Variants in GSG1L observed in about 807,000 individuals in gnomAD.
The protein encoded by GSG1L is germ cell-specific gene 1-like protein.
In GSG1L, 24 loss-of-function variants were observed where a neutral mutation model predicts 42.1. The observed-to-expected ratio is 0.57, with a 90% CI of 0.41 to 0.80. The LOEUF is 0.80. GSG1L is among the 30% of genes least tolerant of loss of function. The pLI is 0.00. For missense variants in GSG1L, 445 were observed against 472.2 expected, an observed-to-expected ratio of 0.94 and a Z score of 0.53; for synonymous variants, 215 against 203.5, an observed-to-expected ratio of 1.06 and a Z score of -0.48.
rs1013994688 is a variant in GSG1L, at chr16:27,879,862, C to CT, written c.550+4623dup. Reference sequence around the variant, plus strand: ...TTGTTGTATTGTTATTTTTTAATTGCTTTTTTTTTTTCCCAAATGGTTTCG... The same window carrying CT: ...TTGTTGTATTGTTATTTTTTAATTGCTTTTTTTTTTTTCCCAAATGGTTTCG... On this transcript the variant is annotated intron_variant, in intron 3 of 6. Transcript: ENST00000447459. Among the ~76,000 whole-genome samples the CT allele has an allele frequency of 2.9e-4, 41 of 141,480 alleles. 1 individual carries two copies. Among genetic ancestry groups the CT allele is most frequent in the East Asian group, 6.1e-4 (3 of 4,926 alleles). The allele number at this position is 141,480 out of a possible 152,430, so 92.8% of individuals were successfully genotyped here.
chr16:27,908,776 G>C (rs911412865), intron 2 of GSG1L, among the ~76,000 whole-genome samples: 4 of 152,156 alleles, frequency 2.6e-5, no homozygotes, highest in Non-Finnish European at 4.4e-5. Context: ...TTGGGATTAA[G>C]TTTCCAACAC....
At chr16:28,023,933 G>A (rs1241292261) in intron 1 of GSG1L, among the ~76,000 whole-genome samples, 1 of 152,198 alleles carries the variant, frequency 6.6e-6, no homozygotes, top group Non-Finnish European at 1.5e-5. Flanking sequence ...AGGAGGCTGA[G>A]GTAGGAGGAT....
At position 27,791,383 on chromosome 16, in the gene GSG1L, C is replaced by A; in HGVS notation, c.983G>T (p.Gly328Val). Residue 328 changes from glycine to valine, a missense_variant, in exon 7 of 7, where the codon GGG (glycine) becomes GTG (valine). By Grantham distance (109) the Gly-to-Val change is moderately radical (BLOSUM62 -3). Transcript: ENST00000447459. ...PELNRQCWVL[G>V]HWV Reference sequence around the variant, plus strand: ...TTGAGGTCTTGGTCACACCCAGTGCCCCAAGACCCAGCACTGTCGGTTCAG... The same window carrying A: ...TTGAGGTCTTGGTCACACCCAGTGCACCAAGACCCAGCACTGTCGGTTCAG... 1 of 1,475,438 alleles carries A rather than the reference C, an allele frequency of 6.8e-7. No individual in the cohort carries two copies. Among genetic ancestry groups the A allele is most frequent in the Admixed American group, 2.2e-5 (1 of 44,798 alleles). 91.4% of individuals were successfully genotyped at this position (1,475,438 alleles called of 1,614,324 possible). A position where few individuals can be genotyped will look rare whatever the true frequency, so the allele number is the denominator to read the frequency against.
At chr16:27,995,427 G>A (rs959175365) in intron 1 of GSG1L, among the ~76,000 whole-genome samples, 4 of 152,144 alleles carry the variant, frequency 2.6e-5, no homozygotes, top group African/African-American at 9.7e-5. Flanking sequence ...AACAACTGGA[G>A]ATATTGTAGT....
At position 27,831,904 on chromosome 16, in the gene GSG1L, A is replaced by G. The variant is rs556545460; in HGVS notation, c.663-2948T>C. The stretch of plus-strand genomic sequence containing the variant: ...GCTCATTCCCAAACCTACCTCCCCC[A>G]TTGCCTTCCCTCCCTGTGGAATCCC... On this transcript the variant is annotated intron_variant, in intron 4 of 6. Coordinates refer to ENST00000447459, the MANE Select transcript of GSG1L (RefSeq NM_001109763.2). Among the ~76,000 whole-genome samples, 7 of 151,964 alleles carry G rather than the reference A, an allele frequency of 4.6e-5. No homozygotes were observed. In the East Asian group the frequency reaches 1.2e-3, roughly 25 times the overall value.
At position 28,059,633 on chromosome 16, in the gene GSG1L, C is replaced by T. The variant is rs1251082852; in HGVS notation, c.349+3443G>A. Among the ~76,000 whole-genome samples, 1 of 152,130 alleles carries T rather than the reference C, an allele frequency of 6.6e-6. No individual in the cohort carries two copies. The highest frequency in any genetic ancestry group is 2.4e-5 in the African/African-American group (1 of 41,410). ...TAACCCAGACCTTCATTCTCCCCTC[C>T]TCCAGGCCTCTCCTCAGCCACCCCC... On this transcript the variant is annotated intron_variant, in intron 1 of 6. Transcript: ENST00000447459. This position sits in a 1 kb window ranked among gnomAD's most constrained non-coding sequence, Gnocchi z 4.4.
chr16:27,788,224 G>T lies in GSG1L; in HGVS notation c.*3146C>A, dbSNP rs1406108470. 1 of 151,986 alleles carries T rather than the reference G, an allele frequency of 6.6e-6. No individual in the cohort carries two copies. Among genetic ancestry groups the T allele is most frequent in the African/African-American group, 2.4e-5 (1 of 41,312 alleles). 9.4% of individuals were successfully genotyped at this position (151,986 alleles called of 1,614,324 possible). A position where few individuals can be genotyped will look rare whatever the true frequency, so the allele number is the denominator to read the frequency against. On this transcript the variant is annotated 3_prime_UTR_variant, in exon 7 of 7. Coordinates refer to ENST00000447459, the MANE Select transcript of GSG1L (RefSeq NM_001109763.2). ...CCACTCAGTCTATTCCCTCCTAATT[G>T]GTTCCTGAATCTGCCCGCATGGTCC...
chr16:27,967,256 T>C (rs1186314368), intron 1 of GSG1L, among the ~76,000 whole-genome samples: 2 of 152,210 alleles, frequency 1.3e-5, no homozygotes, highest in Non-Finnish European at 2.9e-5. Context: ...CAGCCCCATA[T>C]CAATGCAAAG....
chr16:28,055,928 G>A (rs1465984111), intron 1 of GSG1L, among the ~76,000 whole-genome samples: 4 of 58,828 alleles, frequency 6.8e-5, no homozygotes, highest in Non-Finnish European at 2.1e-4. Flanking sequence ...ACACGGGGGA[G>A]TGACGTGAGC....
chr16:27,898,979 C>A (rs2084225128), intron 2 of GSG1L, among the ~76,000 whole-genome samples: 1 of 152,144 alleles, frequency 6.6e-6, no homozygotes, highest in African/African-American at 2.4e-5. Context: ...TTTGCCACCA[C>A]AAAGGCTGAG....
At chr16:27,804,354 A>C (rs967697711) in intron 6 of GSG1L, among the ~76,000 whole-genome samples, 3 of 152,070 alleles carry the variant, frequency 2.0e-5, no homozygotes, top group African/African-American at 7.2e-5. Flanking sequence ...CTCTGCCTGC[A>C]AAGCTCTTCA....
At chr16:27,921,772 T>C (rs1414913025) in intron 2 of GSG1L, among the ~76,000 whole-genome samples, 2 of 152,212 alleles carry the variant, frequency 1.3e-5, no homozygotes, top group African/African-American at 4.8e-5. Flanking sequence ...CTTGTTTTAG[T>C]GACCTGTCTT....
intron 5 of GSG1L, among the ~76,000 whole-genome samples, chr16:27,816,837 C>A (rs1461852483): frequency 6.6e-6 from 1 of 152,186 alleles, no homozygotes; most frequent in Non-Finnish European, 1.5e-5. Context: ...CGACTCCCAG[C>A]AGGCAGGGGA....
chr16:28,022,653 TTTTTTTG>T (rs2085857581), intron 1 of GSG1L, among the ~76,000 whole-genome samples: 1 of 151,972 alleles, frequency 6.6e-6, no homozygotes, highest in Non-Finnish European at 1.5e-5. Flanking sequence ...TGTATTTTTC[TTTTTTTG>T]TTTTTTGTTT....
At chr16:27,825,665 C>T (rs1230991483) in intron 5 of GSG1L, among the ~76,000 whole-genome samples, 2 of 152,080 alleles carry the variant, frequency 1.3e-5, no homozygotes, top group African/African-American at 4.8e-5. Context: ...CTGTGTCCAC[C>T]CAAATCTCAT....
chr16:28,052,544 A>C (rs903982114), intron 1 of GSG1L, among the ~76,000 whole-genome samples: 1 of 152,152 alleles, frequency 6.6e-6, no homozygotes, highest in African/African-American at 2.4e-5. Context: ...GGTCCGTGCC[A>C]CTTCTAGGCA....
intron 1 of GSG1L, among the ~76,000 whole-genome samples, chr16:27,964,102 C>T (rs898230672): frequency 2.6e-5 from 4 of 152,024 alleles, no homozygotes; most frequent in Admixed American, 6.5e-5. Context: ...GAGGCCGAGG[C>T]GGGCGGATCA....
At chr16:27,945,076 CAA>C (rs34265192) in intron 2 of GSG1L, among the ~76,000 whole-genome samples, 41 of 87,304 alleles carry the variant, frequency 4.7e-4, no homozygotes, top group Middle Eastern at 6.3e-3. Context: ...GACCCTGTCT[CAA>C]AAAAAAAAAA....
intron 1 of GSG1L, among the ~76,000 whole-genome samples, chr16:27,985,090 T>C (rs989699383): frequency 6.6e-6 from 1 of 151,926 alleles, no homozygotes; most frequent in African/African-American, 2.4e-5. Context: ...TGCTCTTCCA[T>C]TTCCTTCCAC....
Sources: gnomAD v4.1 joint callset for allele counts (sites outside exome capture counted in the v4.1 genomes callset) on GRCh38, gnomAD v4.1.1 for gene constraint, Gnocchi (gnomAD v3.1) non-coding constraint, MANE v1.5 for transcripts, NCBI Gene and HGNC (gene_info 2026-07-23, HGNC 2026-07-21) for gene names.